Variants in MAP3K20 observed in about 807,000 individuals in gnomAD.
MAP3K20 encodes the protein HCCS-4.
Under a neutral mutation model 85.7 loss-of-function variants are expected in MAP3K20, and 40 were observed. That is an observed-to-expected ratio of 0.47 (90% CI 0.36 to 0.61). MAP3K20 has a LOEUF of 0.61. Among genes scored for constraint, MAP3K20 ranks in the 20% least tolerant of loss-of-function variants. MAP3K20 has a pLI of 0.00. For synonymous variants in MAP3K20, 325 were observed against 327.7 expected (o/e 0.99, Z 0.09); for missense variants, 817 against 961.7 (o/e 0.85, Z 1.99).
chr2:173,225,392 G>A (rs927311294), intron 11 of MAP3K20: 4 of 254,224 alleles, frequency 1.6e-5, no homozygotes, highest in East Asian at 1.8e-4. Flanking sequence ...TCAGGGGTTC[G>A]AGACCAGCCT....
At chr2:173,169,686 C>CTCTAA (rs1689944615) in intron 2 of MAP3K20, 119 bp from the exon 3 acceptor site, 2 of 943,452 alleles carry the variant, frequency 2.1e-6, no homozygotes, top group Non-Finnish European at 3.2e-6. Flanking sequence ...CACCACTGTA[C>CTCTAA]TCTAGCCTGG....
At chr2:173,190,520 G>A (rs1011758796) in intron 5 of MAP3K20, among the ~76,000 whole-genome samples, 1 of 152,112 alleles carries the variant, frequency 6.6e-6, no homozygotes, top group East Asian at 1.9e-4. Context: ...CACTCAGTTG[G>A]GAGGAAACCA....
chr2:173,157,357 C>A (rs115499598), intron 2 of MAP3K20, among the ~76,000 whole-genome samples: 3,237 of 145,522 alleles, frequency 0.022, 59 homozygotes, highest in South Asian at 0.048. Context: ...AAAACTAAAA[C>A]TATCTGCCAG....
At chr2:173,180,127 C>T (rs1035662275) in intron 3 of MAP3K20, among the ~76,000 whole-genome samples, 2 of 152,058 alleles carry the variant, frequency 1.3e-5, no homozygotes, top group African/African-American at 4.8e-5. Flanking sequence ...CTAAAATTTA[C>T]GTGGTAATGC....
chr2:173,177,443 A>ATTTTTTTTTT (rs71403359), intron 3 of MAP3K20, among the ~76,000 whole-genome samples: 3 of 126,606 alleles, frequency 2.4e-5, no homozygotes, highest in South Asian at 2.7e-4. Flanking sequence ...ATCACAATAG[A>ATTTTTTTTTT]TTTTTTTTTT....
chr2:173,086,995 C>T (rs995338574), intron 1 of MAP3K20, among the ~76,000 whole-genome samples: 9 of 152,238 alleles, frequency 5.9e-5, no homozygotes, highest in Non-Finnish European at 1.3e-4. Context: ...AAAAATTACA[C>T]ACCTTAAGTT....
intron 14 of MAP3K20, among the ~76,000 whole-genome samples, chr2:173,237,018 C>CTTT (rs1388150311): frequency 0.012 from 1,471 of 119,448 alleles, 22 homozygotes; most frequent in South Asian, 0.044. Flanking sequence ...AGTATATCCA[C>CTTT]CTTTTTTTTT....
In MAP3K20 at chr2:173,227,774, C is replaced by T. The variant is rs538510822; in HGVS notation, c.988-1915C>T. ...TAAAAATAACACTACACATCCCCTC[C>T]CCCCAACCCAGTTTCTATAAAGGTG... On this transcript the variant is annotated intron_variant, in intron 11 of 19. Transcript: ENST00000375213. 1.1e-3 allele frequency among the ~76,000 whole-genome samples: 166 copies of T among 152,286 alleles called. 2 individuals are homozygous for T. The highest frequency in any genetic ancestry group is 3.9e-3 in the African/African-American group (160 of 41,546).
intron 2 of MAP3K20, among the ~76,000 whole-genome samples, chr2:173,130,463 A>G (rs1291444973): frequency 6.6e-6 from 1 of 152,214 alleles, no homozygotes; most frequent in East Asian, 1.9e-4. Flanking sequence ...GCTATCAAGG[A>G]GACAGGGATA....
intron 2 of MAP3K20, among the ~76,000 whole-genome samples, chr2:173,117,514 G>A (rs891535742): frequency 5.3e-5 from 8 of 151,978 alleles, no homozygotes; most frequent in South Asian, 2.1e-4. Context: ...TCCTGGGCTC[G>A]ACTGATCTTC....
intron 11 of MAP3K20, chr2:173,221,686 A>C: frequency 7.5e-7 from 1 of 1,327,216 alleles, no homozygotes; most frequent in Non-Finnish European, 9.7e-7. Context: ...TATCAATTCT[A>C]CTTTTATTTT....
chr2:173,079,053 GTGT>G (rs1686942718), intron 1 of MAP3K20, among the ~76,000 whole-genome samples: 2 of 152,300 alleles, frequency 1.3e-5, no homozygotes, highest in South Asian at 4.1e-4. Flanking sequence ...TGAGAGAACT[GTGT>G]TGTTACGTGA....
chr2:173,108,179 C>T lies in MAP3K20; in HGVS notation c.159+16989C>T, dbSNP rs533159558. On this transcript the variant is annotated intron_variant, in intron 2 of 19. Transcript: ENST00000375213. Reference sequence around the variant, plus strand: ...TGAGATGGAGTTTTGCTGTTGTTGCCCAGGCTGCAGTGCAATGGCGTGATC... The same window carrying T: ...TGAGATGGAGTTTTGCTGTTGTTGCTCAGGCTGCAGTGCAATGGCGTGATC... Among the ~76,000 whole-genome samples the T allele has an allele frequency of 2.1e-4, 32 of 150,756 alleles. No homozygotes were observed. In the Middle Eastern group the frequency reaches 0.01, roughly 48 times the overall value.
At chr2:173,142,362 C>T (rs1410257910) in intron 2 of MAP3K20, among the ~76,000 whole-genome samples, 1 of 151,948 alleles carries the variant, frequency 6.6e-6, no homozygotes, top group African/African-American at 2.4e-5. Flanking sequence ...GTCCCACCTA[C>T]CCAAGAAGCT....
chr2:173,263,835 C>G lies in MAP3K20; in HGVS notation c.1642C>G (p.Leu548Val). Residue 548 changes from leucine (L) to valine (V), a missense_variant, in exon 19 of 20, where the codon CTT (leucine) becomes GTT (valine). Physicochemically the swap from Leu to Val is conservative, Grantham distance 32. Coordinates refer to ENST00000375213, the MANE Select transcript of MAP3K20 (RefSeq NM_016653.3). ...KPQDEVKAVQ[L>V]AIQTLFTNSD... ...TCAGGATGAAGTGAAAGCAGTCCAA[C>G]TTGCCATTCAGACATTATTCACCAA... 2 of 1,613,592 alleles carry G rather than the reference C, an allele frequency of 1.2e-6. No individual in the cohort carries two copies. The highest frequency in any genetic ancestry group is 1.3e-5 in the African/African-American group (1 of 75,024).
intron 2 of MAP3K20, among the ~76,000 whole-genome samples, chr2:173,133,243 A>G (rs1283131478): frequency 6.6e-6 from 1 of 152,224 alleles, no homozygotes; most frequent in Non-Finnish European, 1.5e-5. Context: ...GTTTTTATCC[A>G]TGGTGATAAA....
At chr2:173,090,748 G>A (rs1559226501) in intron 1 of MAP3K20, 1 of 1,083,518 alleles carries the variant, frequency 9.2e-7, no homozygotes. Flanking sequence ...TTTTGTCTGG[G>A]GGATATCTGA....
intron 2 of MAP3K20, among the ~76,000 whole-genome samples, chr2:173,134,393 C>CAT (rs1162728873): frequency 1.5e-3 from 18 of 12,328 alleles, no homozygotes; most frequent in East Asian, 2.6e-3. Flanking sequence ...TGTCTCTATA[C>CAT]ATATATATAT....
intron 1 of MAP3K20, among the ~76,000 whole-genome samples, chr2:173,080,319 A>G (rs912951589): frequency 1.8e-4 from 28 of 152,202 alleles, no homozygotes; most frequent in Non-Finnish European, 3.2e-4. Context: ...CTCTCAAGTT[A>G]TACGCAGAGC....
Sources: allele counts gnomAD v4.1 joint callset (sites outside exome capture counted in the v4.1 genomes callset), GRCh38; gene constraint gnomAD v4.1.1; transcripts MANE v1.5; gene names NCBI Gene and HGNC (gene_info 2026-07-23, HGNC 2026-07-21).